NBEA: variants seen among roughly 807,000 people sequenced by gnomAD.
NBEA encodes lysosomal-trafficking regulator 2.
NBEA carries 44 observed loss-of-function variants against 343.4 expected under a neutral mutation model. The observed-to-expected ratio is 0.13, with a 90% CI of 0.10 to 0.16. The LOEUF (loss-of-function observed/expected upper bound fraction) is 0.16. Ranked by LOEUF, NBEA falls within the 10% of genes least tolerant of loss-of-function variation. NBEA has a pLI of 1.00. For missense variants in NBEA, 2,555 were observed against 3,631.3 expected (o/e 0.70, Z 7.62); for synonymous variants, 1,175 against 1,238.7 (o/e 0.95, Z 1.08).
intron 31 of NBEA, among the ~76,000 whole-genome samples, chr13:35,201,701 A>C (rs2073033343): frequency 6.6e-6 from 1 of 152,038 alleles, no homozygotes; most frequent in Admixed American, 6.6e-5. Flanking sequence ...ATTTCTAAAA[A>C]GTCTCATAAA....
intron 49 of NBEA, among the ~76,000 whole-genome samples, chr13:35,641,223 C>A (rs1385216926): frequency 7.9e-5 from 12 of 152,038 alleles, no homozygotes; most frequent in Admixed American, 7.9e-4. Context: ...TTTGGGTTCA[C>A]AAATACTTAC....
chr13:35,528,556 C>A (rs532976981), intron 41 of NBEA, among the ~76,000 whole-genome samples: 2 of 152,206 alleles, frequency 1.3e-5, no homozygotes, highest in Non-Finnish European at 2.9e-5. Context: ...TCTTAGTTTG[C>A]AAAAGGAAAT....
At chr13:35,232,771 C>T in intron 34 of NBEA, among the ~76,000 whole-genome samples, 152 bp downstream of exon 34, 1 of 152,128 alleles carries the variant, frequency 6.6e-6, no homozygotes, top group East Asian at 1.9e-4. Context: ...GTTTTCTCTT[C>T]ACTCATTTTT....
intron 46 of NBEA, among the ~76,000 whole-genome samples, chr13:35,591,516 T>C (rs539124649): frequency 1.3e-5 from 2 of 152,218 alleles, no homozygotes; most frequent in East Asian, 3.9e-4. Flanking sequence ...GCATATCTGA[T>C]TTTCAGGTGA....
At chr13:35,547,131 G>A (rs73498925) in intron 41 of NBEA, among the ~76,000 whole-genome samples, 2,219 of 152,216 alleles carry the variant, frequency 0.015, 50 homozygotes, top group African/African-American at 0.049. Context: ...TAATTAGGTA[G>A]GTTTTTTGAA....
Position 35,554,279 on chromosome 13 carries a change from A to C in NBEA, c.6807-708A>C, listed in dbSNP as rs2079480387. 3.3e-5 allele frequency among the ~76,000 whole-genome samples: 5 copies of C among 152,318 alleles called. No individual in the cohort carries two copies. The South Asian group carries it at 1.0e-3, about 32-fold the overall frequency. Reference sequence around the variant, plus strand: ...AGATACTAAGGGTGCCATGAATTGAAAAAGTTTGAGAACCTCTGTCAATCA... The same window carrying C: ...AGATACTAAGGGTGCCATGAATTGACAAAGTTTGAGAACCTCTGTCAATCA... On this transcript the variant is annotated intron_variant, in intron 43 of 58. Coordinates refer to ENST00000379939, the MANE Select transcript of NBEA (RefSeq NM_001385012.1).
rs755124584 is a variant in NBEA, at chr13:35,159,744, C to T, written c.3573C>T (p.Thr1191=). ...SDDLGLLAHM[T]GSVDLTCTSS... Reference sequence around the variant, plus strand: ...ATCTTGGATTGCTTGCTCACATGACCGGTAGCGTAGACTTAACTTGTACAT... The same window carrying T: ...ATCTTGGATTGCTTGCTCACATGACTGGTAGCGTAGACTTAACTTGTACAT... Residue 1191 remains threonine (T), a synonymous_variant, in exon 22 of 59, where the codon ACC becomes ACT. Transcript: ENST00000379939. 37 of 1,612,988 alleles carry T rather than the reference C, an allele frequency of 2.3e-5. 1 individual carries two copies. Among genetic ancestry groups the T allele is most frequent in the African/African-American group, 5.3e-5 (4 of 74,798 alleles).
At position 35,218,160 on chromosome 13, in the gene NBEA, T is replaced by C. The variant is rs1190234487; in HGVS notation, c.5648+6981T>C. Among the ~76,000 whole-genome samples the C allele has an allele frequency of 2.6e-5, 4 of 152,112 alleles. No homozygotes were observed. The East Asian group carries it at 7.7e-4, about 29-fold the overall frequency. On this transcript the variant is annotated intron_variant, in intron 33 of 58. Coordinates refer to ENST00000379939, the MANE Select transcript of NBEA (RefSeq NM_001385012.1). ...GTCCTTAGGGTTCATAGTCCTGTACTCCCTGTATTGCCTGAAAATAGTTGT... is the reference window on the plus strand; with the variant it reads ...GTCCTTAGGGTTCATAGTCCTGTACCCCCTGTATTGCCTGAAAATAGTTGT...
intron 47 of NBEA, among the ~76,000 whole-genome samples, chr13:35,596,609 A>G (rs1277627005): frequency 6.6e-6 from 1 of 152,110 alleles, no homozygotes; most frequent in Non-Finnish European, 1.5e-5. Context: ...GAGTCAGACT[A>G]GTTAGTTTTT....
At chr13:34,986,451 C>T (rs1566124801) in intron 1 of NBEA, among the ~76,000 whole-genome samples, 2 of 150,804 alleles carry the variant, frequency 1.3e-5, no homozygotes, top group Non-Finnish European at 3.0e-5. Context: ...TGCTTTACTT[C>T]CAACCATGTG....
intron 1 of NBEA, among the ~76,000 whole-genome samples, chr13:35,027,262 C>T (rs1051817307): frequency 6.6e-6 from 1 of 151,974 alleles, no homozygotes; most frequent in African/African-American, 2.4e-5. Flanking sequence ...GGATAAATTC[C>T]CAGTAGTGAA....
chr13:35,417,203 A>C (rs1178409816), intron 38 of NBEA, among the ~76,000 whole-genome samples: 1 of 151,984 alleles, frequency 6.6e-6, no homozygotes, highest in African/African-American at 2.4e-5. Flanking sequence ...GGATTCATTA[A>C]TTTTTTGAAG....
chr13:35,019,103 T>C (rs937896834), intron 1 of NBEA, among the ~76,000 whole-genome samples: 4 of 151,890 alleles, frequency 2.6e-5, no homozygotes, highest in Non-Finnish European at 4.4e-5. Context: ...TAAAACCAAC[T>C]TGGTCATGAT....
intron 41 of NBEA, among the ~76,000 whole-genome samples, chr13:35,529,786 C>T (rs957783037): frequency 1.3e-5 from 2 of 152,124 alleles, no homozygotes; most frequent in South Asian, 2.1e-4. Flanking sequence ...TATAATGGTA[C>T]ATTTTTCCCA....
chr13:35,352,287 C>T lies in NBEA; in HGVS notation c.6143C>T (p.Thr2048Ile), dbSNP rs1466821837. The change falls in exon 38 of 59, where the codon ACA becomes ATA. Residue 2048 changes from threonine (T) to isoleucine (I), a missense_variant. Around this residue, in one of 21 missense-constraint regions of NBEA, gnomAD observed 246 missense variants for 313.7 expected, o/e 0.78. Transcript: ENST00000379939. ...AAACAGAAGATTCTCAATATTCTCA[C>T]AAATAAACATGGTGCTTGGGGAGCA... ...QLKQKILNIL[T>I]NKHGAWGAVS... 4.5e-6 allele frequency: 7 copies of T among 1,538,482 alleles called. No individual in the cohort carries two copies. The highest frequency in any genetic ancestry group is 2.4e-5 in the East Asian group (1 of 41,720).
rs141496494 is a variant in NBEA, at chr13:35,491,551, G to A, written c.6585+19015G>A. ...ACATGGCTGTCATCTTTGACTCCTC[G>A]CTTGCTTGTGTACCCAATATCCAGA... On this transcript the variant is annotated intron_variant, in intron 41 of 58. Coordinates refer to ENST00000379939, the MANE Select transcript of NBEA (RefSeq NM_001385012.1). Among the ~76,000 whole-genome samples, 384 of 151,762 alleles carry A rather than the reference G, an allele frequency of 2.5e-3. 1 individual carries two copies. Among genetic ancestry groups the A allele is most frequent in the African/African-American group, 8.6e-3 (355 of 41,442 alleles).
At chr13:35,365,752 A>G (rs1057019649) in intron 38 of NBEA, among the ~76,000 whole-genome samples, 1 of 151,756 alleles carries the variant, frequency 6.6e-6, no homozygotes, top group East Asian at 1.9e-4. Flanking sequence ...AATATATGTT[A>G]AAAAGGTTTA....
chr13:35,436,241 TGTA>T (rs1342643252), intron 39 of NBEA, among the ~76,000 whole-genome samples: 1 of 152,222 alleles, frequency 6.6e-6, no homozygotes, highest in Non-Finnish European at 1.5e-5. Context: ...AGTCTGGCAT[TGTA>T]TAGACTAACA....
intron 33 of NBEA, among the ~76,000 whole-genome samples, chr13:35,216,263 ATT>A (rs1566472179): frequency 6.6e-6 from 1 of 151,620 alleles, no homozygotes; most frequent in East Asian, 1.9e-4. Flanking sequence ...GGAAACTGAG[ATT>A]GAGTGTCTAT....
Sources: allele counts gnomAD v4.1 joint callset (sites outside exome capture counted in the v4.1 genomes callset), GRCh38; gene constraint gnomAD v4.1.1; regional missense constraint gnomAD v4.1.1; transcripts MANE v1.5; gene names NCBI Gene and HGNC (gene_info 2026-07-23, HGNC 2026-07-21).